The following CNTNAP4 variants were observed in gnomAD, a reference collection of about 807,000 sequenced individuals.
CNTNAP4 encodes contactin associated protein family member 4, also known as contactin-associated protein-like 4.
A neutral mutation model predicts 148.4 loss-of-function variants in CNTNAP4; 98 were observed. The ratio of observed to expected loss-of-function variants is 0.66; its 90% CI spans 0.56 to 0.78. The LOEUF (loss-of-function observed/expected upper bound fraction) is 0.78, where lower values mean the gene tolerates loss of function less well. Ranked by LOEUF, CNTNAP4 falls within the 30% of genes least tolerant of loss-of-function variation. CNTNAP4 has a pLI of 0.00. For synonymous variants in CNTNAP4, 730 were observed against 565.1 expected, an observed-to-expected ratio of 1.29 and a Z score of -4.14; for missense variants, 1,935 against 1,565.6, an observed-to-expected ratio of 1.24 and a Z score of -3.98.
At chr16:76,367,449 A>ATGTTAT (rs2014278456) in intron 3 of CNTNAP4, among the ~76,000 whole-genome samples, 1 of 152,160 alleles carries the variant, frequency 6.6e-6, no homozygotes, top group African/African-American at 2.4e-5. Context: ...GCTGCATAAA[A>ATGTTAT]ATATAACATA....
chr16:76,406,081 G>A (rs568270544), intron 3 of CNTNAP4, among the ~76,000 whole-genome samples: 25 of 152,062 alleles, frequency 1.6e-4, no homozygotes, highest in African/African-American at 5.1e-4. Flanking sequence ...AAAATTAGGC[G>A]GGTGTGGTGG....
At chr16:76,538,089 CAA>C in intron 18 of CNTNAP4, 25 bp from the exon 19 acceptor site, 3 of 1,041,392 alleles carry the variant, frequency 2.9e-6, no homozygotes, top group Non-Finnish European at 2.6e-6. Flanking sequence ...AAATTTTTAA[CAA>C]AAATATATAT....
At chr16:76,420,322 T>C (rs1365362296) in intron 3 of CNTNAP4, among the ~76,000 whole-genome samples, 1 of 150,846 alleles carries the variant, frequency 6.6e-6, no homozygotes, top group East Asian at 1.9e-4. Flanking sequence ...TGCTATTTTA[T>C]TATTTTTTAT....
chr16:76,458,858 A>C (rs1270757798), intron 8 of CNTNAP4, among the ~76,000 whole-genome samples: 1 of 152,234 alleles, frequency 6.6e-6, no homozygotes, highest in Non-Finnish European at 1.5e-5. Context: ...TGCTGGGTCG[A>C]ATAGTAATTC....
At chr16:76,340,244 GC>G (rs1271967556) in intron 2 of CNTNAP4, among the ~76,000 whole-genome samples, 1 of 152,082 alleles carries the variant, frequency 6.6e-6, no homozygotes, top group East Asian at 1.9e-4. Flanking sequence ...AGGCCATGAA[GC>G]AGGAACATAG....
At chr16:76,428,531 A>T (rs1313622404) in intron 4 of CNTNAP4, among the ~76,000 whole-genome samples, 1 of 151,964 alleles carries the variant, frequency 6.6e-6, no homozygotes, top group Non-Finnish European at 1.5e-5. Flanking sequence ...CTTTCTTTAC[A>T]TAAAAGAAAA....
At chr16:76,309,473 G>C (rs1254853772) in intron 1 of CNTNAP4, among the ~76,000 whole-genome samples, 4 of 152,138 alleles carry the variant, frequency 2.6e-5, no homozygotes, top group Admixed American at 2.6e-4. Flanking sequence ...TAGGCAGGCT[G>C]ACCAGAAGTG....
intron 17 of CNTNAP4, among the ~76,000 whole-genome samples, chr16:76,530,792 T>A (rs58239346): frequency 6.6e-6 from 1 of 152,196 alleles, no homozygotes; most frequent in Non-Finnish European, 1.5e-5. Context: ...GAACATTGCG[T>A]GACAAACTTA....
chr16:76,298,156 G>GCTAGGGTCTTATA (rs1346600578), intron 1 of CNTNAP4, among the ~76,000 whole-genome samples: 3 of 152,004 alleles, frequency 2.0e-5, no homozygotes, highest in African/African-American at 7.2e-5. Flanking sequence ...TAATTACTGT[G>GCTAGGGTCTTATA]CTAGGGTCTT....
chr16:76,341,902 A>G (rs1964498874), intron 2 of CNTNAP4, among the ~76,000 whole-genome samples: 1 of 152,236 alleles, frequency 6.6e-6, no homozygotes, highest in Non-Finnish European at 1.5e-5. Flanking sequence ...AAAAAACCCA[A>G]GAAGTTGCCA....
intron 3 of CNTNAP4, among the ~76,000 whole-genome samples, chr16:76,363,193 C>T (rs1196162519): frequency 6.7e-6 from 1 of 148,378 alleles, no homozygotes; most frequent in Admixed American, 6.7e-5. Context: ...TGGAGTCTCA[C>T]TCTTGCACCC....
chr16:76,487,974 C>A (rs571682096), intron 12 of CNTNAP4, among the ~76,000 whole-genome samples: 1 of 152,102 alleles, frequency 6.6e-6, no homozygotes, highest in Non-Finnish European at 1.5e-5. Flanking sequence ...GTATATTGTC[C>A]GCCTTGCTTG....
At chr16:76,495,386 G>A (rs905057377) in intron 14 of CNTNAP4, among the ~76,000 whole-genome samples, 3 of 151,808 alleles carry the variant, frequency 2.0e-5, no homozygotes, top group South Asian at 2.1e-4. Context: ...TTAAAAATAT[G>A]TTTACAGCCA....
chr16:76,280,346 C>T (rs1958639755), intron 1 of CNTNAP4, among the ~76,000 whole-genome samples: 1 of 152,092 alleles, frequency 6.6e-6, no homozygotes, highest in Non-Finnish European at 1.5e-5. Context: ...TAGAAGGATT[C>T]TGTTCAAAGA....
intron 3 of CNTNAP4, among the ~76,000 whole-genome samples, chr16:76,376,122 A>G (rs922683107): frequency 2.0e-5 from 3 of 152,068 alleles, no homozygotes; most frequent in Admixed American, 6.6e-5. Context: ...GAAGAGATAA[A>G]GGGGAAGGGA....
intron 2 of CNTNAP4, among the ~76,000 whole-genome samples, chr16:76,330,690 A>G (rs1310633398): frequency 6.6e-6 from 1 of 152,226 alleles, no homozygotes; most frequent in Non-Finnish European, 1.5e-5. Flanking sequence ...TTTGTGTGCT[A>G]TTTCTTATAC....
At chr16:76,491,125 C>T (rs1461421755) in intron 13 of CNTNAP4, among the ~76,000 whole-genome samples, 1 of 152,128 alleles carries the variant, frequency 6.6e-6, no homozygotes, top group Non-Finnish European at 1.5e-5. Flanking sequence ...TGACTGCCCC[C>T]TTGCCCTTCT....
chr16:76,313,780 G>C (rs1961402652), intron 1 of CNTNAP4, among the ~76,000 whole-genome samples: 1 of 152,082 alleles, frequency 6.6e-6, no homozygotes, highest in African/African-American at 2.4e-5. Context: ...TAAAATTTCA[G>C]GTGAATCTAG....
chr16:76,289,317 C>A (rs2143812707), intron 1 of CNTNAP4, among the ~76,000 whole-genome samples: 1 of 152,250 alleles, frequency 6.6e-6, no homozygotes, highest in Admixed American at 6.5e-5. Flanking sequence ...TCAACTCCAT[C>A]CAGTTTGGAC....
Sources: allele counts gnomAD v4.1 joint callset (sites outside exome capture counted in the v4.1 genomes callset), GRCh38; gene constraint gnomAD v4.1.1; transcripts MANE v1.5; gene names NCBI Gene and HGNC (gene_info 2026-07-23, HGNC 2026-07-21).